Variants in DONSON observed in about 807,000 individuals in gnomAD.
DONSON encodes the protein protein downstream neighbor of Son.
Under a neutral mutation model 62.1 loss-of-function variants are expected in DONSON, and 43 were observed. That is an observed-to-expected ratio of 0.69 (90% CI 0.54 to 0.89). The LOEUF (loss-of-function observed/expected upper bound fraction) is 0.89, where lower values mean the gene tolerates loss of function less well. Among genes scored for constraint, DONSON ranks in the 40% least tolerant of loss-of-function variants. The pLI is 0.00. For missense variants in DONSON, 696 were observed against 697.5 expected (o/e 1.00, Z 0.03); for synonymous variants, 266 against 264.6 (o/e 1.01, Z -0.05).
intron 6 of DONSON, 52 bp downstream of exon 6, chr21:33,582,113 T>C: frequency 6.2e-7 from 1 of 1,611,944 alleles, no homozygotes; most frequent in Non-Finnish European, 8.5e-7. Context: ...TGCAAATCTA[T>C]TTCATGAGTC....
chr21:33,587,254 T>C lies in DONSON; in HGVS notation c.402+268A>G, dbSNP rs1329812207. ...CCCAAAGAAGAGTGGTAAAAACTGT[T>C]AGAGAGTAAAAGAAAACCCCCACGT... On this transcript the variant is annotated intron_variant, in intron 2 of 9. Transcript: ENST00000303071. 4.7e-6 allele frequency: 3 copies of C among 632,394 alleles called. No individual in the cohort carries two copies. The African/African-American group carries it at 6.0e-5, about 13-fold the overall frequency. 39.2% of individuals were successfully genotyped at this position (632,394 alleles called of 1,614,324 possible). A position where few individuals can be genotyped will look rare whatever the true frequency, so the allele number is the denominator to read the frequency against.
Position 33,582,034 on chromosome 21 carries a change from C to G in DONSON, c.1068G>C (p.Glu356Asp). 1 of 1,614,112 alleles carries G rather than the reference C, an allele frequency of 6.2e-7. No homozygotes were observed. ...GCCAGGAAAAACTTTCCTCTTCATC[C>G]TCATCACTGATGGCTTGCTCCCTAG... ...GYGEEQAISD[E>D]DEEESFSWLE... The change falls in exon 7 of 10, where the codon GAG becomes GAC. Residue 356 changes from glutamate (E) to aspartate (D), a missense_variant. Coordinates refer to ENST00000303071, the MANE Select transcript of DONSON (RefSeq NM_017613.4).
intron 4 of DONSON, 102 bp from the exon 5 acceptor site, chr21:33,583,768 A>T: frequency 1.1e-6 from 1 of 944,090 alleles, no homozygotes; most frequent in Non-Finnish European, 1.5e-6. Flanking sequence ...ACACAACACA[A>T]ATATTTTAGA....
rs2086605484 is a variant in DONSON at position 33,588,331 on chromosome 21, G to A, written c.311C>T (p.Ala104Val). ...CTACAAGACACTCACCGGGACCGGG[G>A]CCTCCGGCTGCTCGCGGGCCGGCCC... ...PDGPAREQPE[A>V]PVPFLDSNQE... The change falls in exon 1 of 10, where the codon GCC (alanine) becomes GTC (valine). Residue 104 changes from alanine to valine, a missense_variant. Physicochemically the swap from Ala to Val is moderately conservative, Grantham distance 64 (BLOSUM62 0). Coordinates refer to ENST00000303071, the MANE Select transcript of DONSON (RefSeq NM_017613.4). 3 of 1,292,630 alleles carry A rather than the reference G, an allele frequency of 2.3e-6. No homozygotes were observed. The highest frequency in any genetic ancestry group is 2.9e-6 in the Non-Finnish European group (3 of 1,024,544). The allele number at this position is 1,292,630 out of a possible 1,614,324, so 80.1% of individuals were successfully genotyped here.
intron 4 of DONSON, 93 bp from the exon 5 acceptor site, chr21:33,583,759 C>A (rs2086544703): frequency 9.9e-7 from 1 of 1,006,292 alleles, no homozygotes; most frequent in African/African-American, 1.6e-5. Context: ...TGGTTTAAAA[C>A]ACAACACAAA....
chr21:33,579,651 G>T, intron 8 of DONSON, 89 bp from the exon 9 acceptor site: 2 of 1,052,874 alleles, frequency 1.9e-6, no homozygotes, highest in South Asian at 1.6e-5. Context: ...TTCCATTTGG[G>T]GTTTCCTCTC....
intron 9 of DONSON, 147 bp from the exon 10 acceptor site, chr21:33,578,591 G>C (rs2086464188): frequency 1.1e-6 from 1 of 909,360 alleles, no homozygotes; most frequent in Non-Finnish European, 1.5e-6. Context: ...AATTTTTGTA[G>C]TGACAAAATC....
Position 33,588,638 on chromosome 21 carries a change from C to A in DONSON, c.4G>T (p.Ala2Ser), listed in dbSNP as rs1446661011. Residue 2 changes from alanine (A) to serine (S), a missense_variant, in exon 1 of 10, where the codon GCC (alanine) becomes TCC (serine). Physicochemically the swap from Ala to Ser is moderately conservative, Grantham distance 99. Transcript: ENST00000303071. ...GGTGAGTAGCCGGGCACCGAAAGGG[C>A]CATGACGCGCGGCGGCTGAGGGTAG... M[A>S]LSVPGYSPGF... 5 of 1,234,248 alleles carry A rather than the reference C, an allele frequency of 4.1e-6. No homozygotes were observed. The highest frequency in any genetic ancestry group is 5.1e-6 in the Non-Finnish European group (5 of 988,456). The allele number at this position is 1,234,248 out of a possible 1,614,324, so 76.5% of individuals were successfully genotyped here.
At chr21:33,582,283 T>A in intron 5 of DONSON, 37 bp from the exon 6 acceptor site, 1 of 1,501,506 alleles carries the variant, frequency 6.7e-7, no homozygotes, top group African/African-American at 1.5e-5. Flanking sequence ...AGTTGTCATT[T>A]AAAGTATTTA....
chr21:33,586,248 A>T, intron 2 of DONSON, 67 bp from the exon 3 acceptor site: 1 of 1,261,668 alleles, frequency 7.9e-7, no homozygotes. Flanking sequence ...TAAAGATTTT[A>T]TCAGCTAACA....
intron 3 of DONSON, among the ~76,000 whole-genome samples, chr21:33,585,723 A>T (rs1197791953): frequency 2.6e-5 from 4 of 151,960 alleles, no homozygotes; most frequent in Admixed American, 6.6e-5. Flanking sequence ...ATAATTTAAC[A>T]ATTCTTGCCT....
At position 33,587,742 on chromosome 21, in the gene DONSON, A is replaced by C. The variant is rs1245644943; in HGVS notation, c.322-140T>G. ...TCAGAGGCACCCCATCCAATCTATG[A>C]GTTTCAACACTTCAGTTTTGTGTCT... On this transcript the variant is annotated intron_variant, in intron 1 of 9. Coordinates refer to ENST00000303071, the MANE Select transcript of DONSON (RefSeq NM_017613.4). 5.2e-6 allele frequency: 3 copies of C among 571,740 alleles called. No individual in the cohort carries two copies. The African/African-American group carries it at 5.7e-5, about 11-fold the overall frequency. The allele number at this position is 571,740 out of a possible 1,614,324, so 35.4% of individuals were successfully genotyped here.
At position 33,587,032 on chromosome 21, in the gene DONSON, G is replaced by A. The variant is rs551799394; in HGVS notation, c.402+490C>T. 3.3e-5 allele frequency among the ~76,000 whole-genome samples: 5 copies of A among 152,308 alleles called. No individual in the cohort carries two copies. In the South Asian group the frequency reaches 1.0e-3, roughly 32 times the overall value. ...GTCACTTATTTACAAGAGAAACTGG[G>A]TCTTGGAGAACTCTTCTAGCCTGTT... On this transcript the variant is annotated intron_variant, in intron 2 of 9. Transcript: ENST00000303071.
At chr21:33,578,553 C>T (rs1333043441) in intron 9 of DONSON, 109 bp from the exon 10 acceptor site, 1 of 1,189,324 alleles carries the variant, frequency 8.4e-7, no homozygotes, top group Non-Finnish European at 1.1e-6. Flanking sequence ...TAATGTGATT[C>T]ATCCTATTAA....
intron 7 of DONSON, among the ~76,000 whole-genome samples, 176 bp downstream of exon 7, chr21:33,581,775 A>G (rs1270599499): frequency 6.6e-6 from 1 of 152,234 alleles, no homozygotes; most frequent in Non-Finnish European, 1.5e-5. Flanking sequence ...AAAAAGGTTT[A>G]ATAGTTCACC....
At chr21:33,578,512 T>A in intron 9 of DONSON, 68 bp from the exon 10 acceptor site, 1 of 1,454,204 alleles carries the variant, frequency 6.9e-7, no homozygotes, top group Non-Finnish European at 9.3e-7. Context: ...GTTAAATAAT[T>A]ACTATGGAGA....
In DONSON at chr21:33,584,687, G is replaced by C; in HGVS notation, c.688C>G (p.Pro230Ala). 6.2e-7 allele frequency: 1 copy of C among 1,613,138 alleles called. No homozygotes were observed. The highest frequency in any genetic ancestry group is 8.5e-7 in the Non-Finnish European group (1 of 1,179,292). ...YWLHPALSWL[P>A]LFPRIGADRK... is the part of the protein sequence containing the mutation. ...TCAGCTCCAATACGAGGGAACAGTG[G>C]TAGCCAAGACAAAGCAGGGTGGAGC... Residue 230 changes from proline to alanine, a missense_variant, in exon 4 of 10, where the codon CCA (proline) becomes GCA (alanine). Pro to Ala is a conservative substitution (Grantham distance 27). Coordinates refer to ENST00000303071, the MANE Select transcript of DONSON (RefSeq NM_017613.4).
At chr21:33,578,708 A>G (rs2086465920) in intron 9 of DONSON, among the ~76,000 whole-genome samples, 1 of 150,246 alleles carries the variant, frequency 6.7e-6, no homozygotes, top group African/African-American at 2.5e-5. Context: ...ATTAAAGGCA[A>G]ATATGGTTAA....
rs1569072634 is a variant in DONSON, at chr21:33,577,608, C to CAT, written c.*698_*699insAT. 33 of 1,906 alleles carry CAT rather than the reference C, an allele frequency of 0.017. No individual in the cohort carries two copies. Among genetic ancestry groups the CAT allele is most frequent in the African/African-American group, 0.022 (14 of 624 alleles). 0.1% of individuals were successfully genotyped at this position (1,906 alleles called of 1,614,324 possible). ...GTGAATTATACAGTCCCCCCCTACA[C>CAT]ACACACACACACACACACACACACA... On this transcript the variant is annotated 3_prime_UTR_variant, in exon 10 of 10. Transcript: ENST00000303071.
Sources: gnomAD v4.1 joint callset for allele counts (sites outside exome capture counted in the v4.1 genomes callset) on GRCh38, gnomAD v4.1.1 for gene constraint, MANE v1.5 for transcripts, NCBI Gene and HGNC (gene_info 2026-07-23, HGNC 2026-07-21) for gene names.